KCNAB1: variants seen among roughly 807,000 people sequenced by gnomAD.
KCNAB1 encodes potassium voltage-gated channel subfamily A regulatory beta subunit 1, also known as voltage-gated potassium channel subunit beta-1.
Under a neutral mutation model 64.6 loss-of-function variants are expected in KCNAB1, and 35 were observed. The observed-to-expected ratio is 0.54, with a 90% CI of 0.41 to 0.72. The LOEUF is 0.72. KCNAB1 is among the 30% of genes least tolerant of loss of function. KCNAB1 has a pLI of 0.00. For missense variants in KCNAB1, 401 were observed against 512.9 expected (o/e 0.78, Z 2.11); for synonymous variants, 177 against 183.8 (o/e 0.96, Z 0.30).
rs140787543 is a variant in KCNAB1, at chr3:156,442,114, T to TA, written c.320-10783dup. ...CCCTATCAGGCTCAAGATGCTAACT[T>TA]AATCAGTTTGGGAGTGTCATGCCTA... On this transcript the variant is annotated intron_variant, in intron 2 of 13. Coordinates refer to ENST00000490337, the MANE Select transcript of KCNAB1 (RefSeq NM_172160.3). Among the ~76,000 whole-genome samples the TA allele has an allele frequency of 8.2e-3, 1,254 of 152,312 alleles. 22 individuals carry two copies. Among genetic ancestry groups the TA allele is most frequent in the African/African-American group, 0.028 (1,183 of 41,572 alleles).
At chr3:156,393,284 TTGA>T (rs1255157364) in intron 1 of KCNAB1, among the ~76,000 whole-genome samples, 2 of 152,226 alleles carry the variant, frequency 1.3e-5, no homozygotes, top group Admixed American at 1.3e-4. Flanking sequence ...GAGGCATTAC[TTGA>T]TGATCTCCTT....
chr3:156,212,160 C>T (rs4333049), intron 1 of KCNAB1, among the ~76,000 whole-genome samples: 84,403 of 151,828 alleles, frequency 0.56, 24,330 homozygotes, highest in East Asian at 0.9. Context: ...GTAGATGCAG[C>T]TATAGGAGGT....
At chr3:156,310,879 C>G (rs1721850859) in intron 1 of KCNAB1, among the ~76,000 whole-genome samples, 1 of 152,158 alleles carries the variant, frequency 6.6e-6, no homozygotes, top group African/African-American at 2.4e-5. Context: ...AATTGTCCAC[C>G]AGCATCCACT....
chr3:156,344,830 C>T (rs1047933051), intron 1 of KCNAB1, among the ~76,000 whole-genome samples: 6 of 152,160 alleles, frequency 3.9e-5, no homozygotes, highest in African/African-American at 2.4e-5. Flanking sequence ...GATCCCATTA[C>T]GTCCTATCTC....
At chr3:156,296,492 G>C (rs1234483842) in intron 1 of KCNAB1, among the ~76,000 whole-genome samples, 1 of 33,046 alleles carries the variant, frequency 3.0e-5, no homozygotes. Context: ...TTTTTTTTTT[G>C]AGATGGAGTC....
chr3:156,445,268 C>G (rs1376917144), intron 2 of KCNAB1, among the ~76,000 whole-genome samples: 2 of 152,142 alleles, frequency 1.3e-5, no homozygotes, highest in Admixed American at 1.3e-4. Flanking sequence ...TGCACTCAGG[C>G]CTGGGTGACA....
chr3:156,250,745 C>T (rs1337274224), intron 1 of KCNAB1, among the ~76,000 whole-genome samples: 1 of 152,140 alleles, frequency 6.6e-6, no homozygotes, highest in Non-Finnish European at 1.5e-5. Context: ...GGGATTTGCC[C>T]TGTCAGCTAG....
chr3:156,137,994 T>C (rs1023842666), intron 1 of KCNAB1, among the ~76,000 whole-genome samples: 3 of 152,250 alleles, frequency 2.0e-5, no homozygotes, highest in African/African-American at 4.8e-5. Context: ...CCTCTATCTT[T>C]GCTCATATCA....
chr3:156,283,675 T>A (rs959180317), intron 1 of KCNAB1, among the ~76,000 whole-genome samples: 1 of 151,978 alleles, frequency 6.6e-6, no homozygotes, highest in Non-Finnish European at 1.5e-5. Flanking sequence ...CTTTTTATTC[T>A]TTTTTCTCTA....
chr3:156,462,222 T>C (rs1285152904), intron 5 of KCNAB1, among the ~76,000 whole-genome samples: 1 of 152,272 alleles, frequency 6.6e-6, no homozygotes, highest in African/African-American at 2.4e-5. Context: ...CTACTCTTGC[T>C]CTTTGAACAT....
chr3:156,445,238 G>A (rs1008503185), intron 2 of KCNAB1, among the ~76,000 whole-genome samples: 5 of 152,184 alleles, frequency 3.3e-5, no homozygotes, highest in African/African-American at 1.2e-4. Flanking sequence ...GGAAGTTGCA[G>A]TGAGCCCAGA....
At chr3:156,387,078 C>T (rs146830997) in intron 1 of KCNAB1, among the ~76,000 whole-genome samples, 1 of 129,892 alleles carries the variant, frequency 7.7e-6, no homozygotes, top group East Asian at 2.4e-4. Flanking sequence ...ACAAAATTTT[C>T]CTCTTCAAAT....
intron 1 of KCNAB1, among the ~76,000 whole-genome samples, chr3:156,254,571 T>C (rs1303046465): frequency 6.6e-6 from 1 of 152,212 alleles, no homozygotes; most frequent in Non-Finnish European, 1.5e-5. Flanking sequence ...TGCAGTTCTT[T>C]CCAGGCTTAT....
At position 156,388,914 on chromosome 3, in the gene KCNAB1, G is replaced by A. The variant is rs568879726; in HGVS notation, c.276-32702G>A. On this transcript the variant is annotated intron_variant, in intron 1 of 13. Coordinates refer to ENST00000490337, the MANE Select transcript of KCNAB1 (RefSeq NM_172160.3). ...ACGTCAGGGGCATTTAATGATTAAA[G>A]AATCTCAGCTCTCCTAGTCTTAGGG... 7.0e-4 allele frequency among the ~76,000 whole-genome samples: 107 copies of A among 152,286 alleles called. 2 individuals are homozygous for A. Among genetic ancestry groups the A allele is most frequent in the African/African-American group, 2.4e-3 (101 of 41,558 alleles).
chr3:156,149,717 C>T (rs1715281554), intron 1 of KCNAB1, among the ~76,000 whole-genome samples: 2 of 152,096 alleles, frequency 1.3e-5, no homozygotes, highest in South Asian at 4.2e-4. Flanking sequence ...TAGTGGATAC[C>T]CAGGAAAGAC....
chr3:156,523,615 T>C, intron 11 of KCNAB1: 2 of 513,396 alleles, frequency 3.9e-6, no homozygotes, highest in South Asian at 4.7e-5. Flanking sequence ...GAATGGTGAA[T>C]ATTAGTCAAA....
At chr3:156,470,351 G>A (rs949451095) in intron 7 of KCNAB1, among the ~76,000 whole-genome samples, 3 of 152,122 alleles carry the variant, frequency 2.0e-5, no homozygotes, top group African/African-American at 2.4e-5. Context: ...TTAGAATTTA[G>A]CAGAACAGAT....
intron 1 of KCNAB1, among the ~76,000 whole-genome samples, chr3:156,159,694 T>C (rs961908443): frequency 2.0e-5 from 3 of 152,220 alleles, no homozygotes; most frequent in Admixed American, 2.0e-4. Flanking sequence ...CCCATCCCAC[T>C]AACTAATTTT....
intron 8 of KCNAB1, among the ~76,000 whole-genome samples, chr3:156,495,595 G>C (rs1413645258): frequency 6.6e-6 from 1 of 152,108 alleles, no homozygotes; most frequent in Non-Finnish European, 1.5e-5. Context: ...CAGCAGACTA[G>C]AGCCAGACTG....
Sources: allele counts gnomAD v4.1 joint callset (sites outside exome capture counted in the v4.1 genomes callset), GRCh38; gene constraint gnomAD v4.1.1; transcripts MANE v1.5; gene names NCBI Gene and HGNC (gene_info 2026-07-23, HGNC 2026-07-21).